The following STPG2 variants were observed in gnomAD, a reference collection of about 807,000 sequenced individuals.
The protein encoded by STPG2 is sperm-tail PG-rich repeat-containing protein 2.
In STPG2, 56 loss-of-function variants were observed where a neutral mutation model predicts 54.2. The ratio of observed to expected loss-of-function variants is 1.03; its 90% confidence interval spans 0.83 to 1.29. The LOEUF is 1.29. STPG2 is among the 50% of genes most tolerant of loss of function. The probability of loss-of-function intolerance (pLI) is 0.00; values close to 1 mark genes in which losing one functional copy is unlikely to be tolerated. For synonymous variants in STPG2, 200 were observed against 181.8 expected (o/e 1.10, Z -0.81); for missense variants, 596 against 544.9 (o/e 1.09, Z -0.93).
At chr4:98,100,903 T>C (rs1018063129) in intron 5 of STPG2, among the ~76,000 whole-genome samples, 2 of 152,088 alleles carry the variant, frequency 1.3e-5, no homozygotes, top group African/African-American at 4.8e-5. Context: ...TTCAAACTCC[T>C]GACCTCAAGC....
At chr4:98,111,931 C>T (rs1739373211) in intron 3 of STPG2, among the ~76,000 whole-genome samples, 1 of 152,012 alleles carries the variant, frequency 6.6e-6, no homozygotes, top group Admixed American at 6.6e-5. Flanking sequence ...CTTGGACTTT[C>T]CCCAGCAGCC....
chr4:97,637,310 T>C (rs1721583686), intron 10 of STPG2, among the ~76,000 whole-genome samples: 2 of 152,172 alleles, frequency 1.3e-5, no homozygotes, highest in South Asian at 4.1e-4. Flanking sequence ...TGCTAAAAAC[T>C]CTCAGTAAAT....
At chr4:98,106,088 T>A (rs1739181248) in intron 4 of STPG2, 24 bp from the exon 5 acceptor site, 1 of 1,348,958 alleles carries the variant, frequency 7.4e-7, no homozygotes, top group South Asian at 1.4e-5. Flanking sequence ...AAATAGAAAT[T>A]AAGAATTCTC....
chr4:97,840,929 T>A lies in STPG2; in HGVS notation c.1048A>T (p.Ile350Phe). Residue 350 changes from isoleucine to phenylalanine, a missense_variant, in exon 9 of 11, where the codon ATT becomes TTT. Ile to Phe is a conservative substitution (Grantham distance 21). Coordinates refer to ENST00000295268, the MANE Select transcript of STPG2 (RefSeq NM_174952.3). ...KRTMKVPDMV[I>F]PAPGSYDVHK... ...ACATCATAGCTGCCTGGCGCTGGAATAACCTGAAAAAAAATTTAATAGATG... is the reference window on the plus strand; with the variant it reads ...ACATCATAGCTGCCTGGCGCTGGAAAAACCTGAAAAAAAATTTAATAGATG... 1 of 1,609,436 alleles carries A rather than the reference T, an allele frequency of 6.2e-7. No individual in the cohort carries two copies. Among genetic ancestry groups the A allele is most frequent in the Non-Finnish European group, 8.5e-7 (1 of 1,177,640 alleles).
intron 10 of STPG2, among the ~76,000 whole-genome samples, chr4:97,706,247 T>C (rs986245932): frequency 2.6e-5 from 4 of 152,154 alleles, no homozygotes; most frequent in Non-Finnish European, 4.4e-5. Flanking sequence ...GCGAGTAGCT[T>C]GTAGGGACCA....
chr4:98,046,096 T>C (rs975774061), intron 5 of STPG2, among the ~76,000 whole-genome samples: 1 of 151,718 alleles, frequency 6.6e-6, no homozygotes, highest in Non-Finnish European at 1.5e-5. Flanking sequence ...TCCAATGACC[T>C]GTCTTCAAAT....
chr4:97,715,396 T>C (rs1009001210), intron 9 of STPG2, among the ~76,000 whole-genome samples: 14 of 152,124 alleles, frequency 9.2e-5, no homozygotes, highest in Admixed American at 8.5e-4. Context: ...GAGTAGGTGA[T>C]TCTTATAATT....
At chr4:98,022,004 A>T (rs150071921) in intron 5 of STPG2, among the ~76,000 whole-genome samples, 58,147 of 149,078 alleles carry the variant, frequency 0.39, 11,576 homozygotes, top group Middle Eastern at 0.46. Context: ...ATTGGAGCAT[A>T]TAGCCCATTT....
intron 5 of STPG2, among the ~76,000 whole-genome samples, chr4:98,031,874 AAAAC>A (rs1484829135): frequency 1.3e-5 from 2 of 152,164 alleles, no homozygotes; most frequent in Non-Finnish European, 2.9e-5. Flanking sequence ...CAGTAAGCAA[AAAAC>A]AAACAATCCC....
intron 4 of STPG2, among the ~76,000 whole-genome samples, chr4:97,479,949 C>G (rs1246561158): frequency 6.6e-6 from 1 of 151,700 alleles, no homozygotes; most frequent in Non-Finnish European, 1.5e-5. Flanking sequence ...TTCTGTAGAT[C>G]CAGGAAGCTG....
chr4:97,598,063 C>CA (rs1221516120), intron 10 of STPG2, among the ~76,000 whole-genome samples: 1 of 151,270 alleles, frequency 6.6e-6, no homozygotes, highest in Non-Finnish European at 1.5e-5. Context: ...AAATAATGTA[C>CA]AAAATCAGTA....
intron 5 of STPG2, among the ~76,000 whole-genome samples, chr4:98,066,841 G>C (rs1412948003): frequency 6.6e-6 from 1 of 151,898 alleles, no homozygotes; most frequent in African/African-American, 2.4e-5. Context: ...GTAACTGTTC[G>C]AGTGACTGCT....
At chr4:98,121,555 T>C (rs992680108) in intron 3 of STPG2, among the ~76,000 whole-genome samples, 2 of 152,220 alleles carry the variant, frequency 1.3e-5, no homozygotes, top group African/African-American at 4.8e-5. Context: ...GTGTCCGTTC[T>C]GGCTTCCTTG....
chr4:97,775,195 G>A (rs946329496), intron 9 of STPG2, among the ~76,000 whole-genome samples: 5 of 152,198 alleles, frequency 3.3e-5, no homozygotes, highest in African/African-American at 1.2e-4. Flanking sequence ...AAGAGATGAA[G>A]GAAAGTAAAT....
intron 6 of STPG2, among the ~76,000 whole-genome samples, chr4:97,978,255 C>T (rs1734557805): frequency 6.6e-6 from 1 of 152,114 alleles, no homozygotes; most frequent in African/African-American, 2.4e-5. Flanking sequence ...ACAGCAAAGA[C>T]ATGGAATCAG....
intron 5 of STPG2, among the ~76,000 whole-genome samples, chr4:98,095,270 A>C (rs1738819648): frequency 6.6e-6 from 1 of 152,220 alleles, no homozygotes; most frequent in Non-Finnish European, 1.5e-5. Context: ...AGAGAAGACC[A>C]CAAAACAACC....
chr4:97,468,926 T>A (rs1465076789), intron 4 of STPG2, among the ~76,000 whole-genome samples: 4 of 152,092 alleles, frequency 2.6e-5, no homozygotes, highest in Non-Finnish European at 5.9e-5. Flanking sequence ...CCCCCCTTGA[T>A]TATCTGGCTT....
intron 10 of STPG2, among the ~76,000 whole-genome samples, chr4:97,590,502 C>T (rs975379182): frequency 1.3e-5 from 2 of 151,820 alleles, no homozygotes; most frequent in Non-Finnish European, 2.9e-5. Flanking sequence ...ACAGTCAGTG[C>T]CTATTCTTAC....
intron 8 of STPG2, among the ~76,000 whole-genome samples, chr4:97,868,319 T>C (rs927582784): frequency 8.6e-5 from 13 of 151,940 alleles, no homozygotes; most frequent in African/African-American, 3.1e-4. Flanking sequence ...GGTGAGTTCA[T>C]CTTTGGCGGA....
Sources: gnomAD v4.1 joint callset for allele counts (sites outside exome capture counted in the v4.1 genomes callset) on GRCh38, gnomAD v4.1.1 for gene constraint, MANE v1.5 for transcripts, NCBI Gene and HGNC (gene_info 2026-07-23, HGNC 2026-07-21) for gene names.